The following ANO3 variants were observed in gnomAD, a reference collection of about 807,000 sequenced individuals.
The protein encoded by ANO3 is anoctamin 3.
In ANO3, 99 loss-of-function variants were observed where a neutral mutation model predicts 144.8. That is an observed-to-expected ratio of 0.68 (90% CI 0.58 to 0.81). ANO3 has a LOEUF of 0.81. ANO3 is among the 30% of genes least tolerant of loss of function. The pLI, the probability that ANO3 is intolerant of heterozygous loss-of-function variation, is 0.00. For missense variants in ANO3, 905 were observed against 1,202.2 expected (o/e 0.75, Z 3.66); for synonymous variants, 414 against 392.6 (o/e 1.05, Z -0.64).
intron 13 of ANO3, among the ~76,000 whole-genome samples, chr11:26,556,677 C>A (rs116408068): frequency 0.013 from 1,912 of 152,168 alleles, 40 homozygotes; most frequent in African/African-American, 0.04. Flanking sequence ...ATCAAGACTG[C>A]ATTTTTTATG....
chr11:26,350,130 C>A (rs1164966393), intron 1 of ANO3, among the ~76,000 whole-genome samples: 1 of 151,996 alleles, frequency 6.6e-6, no homozygotes, highest in Non-Finnish European at 1.5e-5. Context: ...CAAATGCAAC[C>A]CAAATTTTAG....
chr11:26,458,120 T>C (rs1290817906), intron 3 of ANO3, among the ~76,000 whole-genome samples: 10 of 152,124 alleles, frequency 6.6e-5, no homozygotes, highest in Non-Finnish European at 1.5e-5. Flanking sequence ...TAATTTGAAA[T>C]TTAATTGATG....
chr11:26,215,390 G>T (rs1172308276), intron 1 of ANO3, among the ~76,000 whole-genome samples: 1 of 151,732 alleles, frequency 6.6e-6, no homozygotes, highest in African/African-American at 2.4e-5. Flanking sequence ...TTCCAGCTTT[G>T]GCCACTGGGA....
intron 3 of ANO3, among the ~76,000 whole-genome samples, chr11:26,451,396 T>C (rs1858930540): frequency 6.6e-6 from 1 of 152,142 alleles, no homozygotes; most frequent in Non-Finnish European, 1.5e-5. Flanking sequence ...ACTGCGCTTT[T>C]CCGACGGGCT....
intron 1 of ANO3, among the ~76,000 whole-genome samples, chr11:26,419,502 G>C (rs1275770510): frequency 6.6e-6 from 1 of 151,910 alleles, no homozygotes; most frequent in Non-Finnish European, 1.5e-5. Flanking sequence ...AATTAGTAAA[G>C]TAATTAATTA....
chr11:26,656,593 G>T (rs1485356854), intron 26 of ANO3, 112 bp downstream of exon 26: 6 of 712,732 alleles, frequency 8.4e-6, no homozygotes, highest in Non-Finnish European at 1.2e-5. Context: ...ACTTAAGTAG[G>T]TCCCGTAAAA....
At chr11:26,483,030 A>C (rs1026645126) in intron 4 of ANO3, among the ~76,000 whole-genome samples, 6 of 152,090 alleles carry the variant, frequency 3.9e-5, no homozygotes, top group Admixed American at 3.3e-4. Flanking sequence ...TGCAATAAAC[A>C]TACTAGTGCA....
Position 26,463,134 on chromosome 11 carries a change from A to G in ANO3, c.418A>G (p.Thr140Ala). ...TATCAAAGATAAATCTGAATTCAAG[A>G]CAAAATTATCTAAGGTAATGAGAAC... ...FVIKDKSEFK[T>A]KLSKNDMNYI... is the part of the protein sequence containing the mutation. Residue 140 changes from threonine (T) to alanine (A), a missense_variant, in exon 4 of 27, where the codon ACA (threonine) becomes GCA (alanine). Around this residue, in one of 4 missense-constraint regions of ANO3, gnomAD observed 174 missense variants for 171.9 expected, o/e 1.01. Transcript: ENST00000256737. The G allele has an allele frequency of 6.4e-7, 1 of 1,561,040 alleles. No individual in the cohort carries two copies. Among genetic ancestry groups the G allele is most frequent in the Non-Finnish European group, 8.7e-7 (1 of 1,142,952 alleles).
chr11:26,514,260 A>G (rs1280703195), intron 5 of ANO3, among the ~76,000 whole-genome samples: 1 of 152,122 alleles, frequency 6.6e-6, no homozygotes, highest in Non-Finnish European at 1.5e-5. Flanking sequence ...GCCAAGGAAG[A>G]GGCTCTACCA....
chr11:26,561,019 A>G (rs761684844), intron 14 of ANO3: 64 of 1,551,290 alleles, frequency 4.1e-5, no homozygotes, highest in Non-Finnish European at 5.6e-5. Flanking sequence ...TCAAAAGGCT[A>G]GGATGTAGAT....
chr11:26,581,576 C>G (rs1219911144), intron 14 of ANO3, among the ~76,000 whole-genome samples: 5 of 150,758 alleles, frequency 3.3e-5, no homozygotes, highest in Non-Finnish European at 7.4e-5. Context: ...GTAGTCCCAG[C>G]TATGTGGGAG....
intron 1 of ANO3, among the ~76,000 whole-genome samples, chr11:26,235,066 T>A (rs1295059140): frequency 7.1e-6 from 1 of 141,388 alleles, no homozygotes; most frequent in Non-Finnish European, 1.6e-5. Context: ...TCCTATTAGA[T>A]TTTGTTCTGT....
chr11:26,298,594 G>A (rs117880680), intron 1 of ANO3, among the ~76,000 whole-genome samples: 1,695 of 152,220 alleles, frequency 0.011, 86 homozygotes, highest in East Asian at 0.076. Flanking sequence ...TTGAATGAAA[G>A]GTTTTAAACA....
chr11:26,511,426 A>C (rs1861660033), intron 5 of ANO3, among the ~76,000 whole-genome samples: 1 of 152,198 alleles, frequency 6.6e-6, no homozygotes, highest in African/African-American at 2.4e-5. Context: ...AAACAAAAAA[A>C]AATTTTTTAT....
At chr11:26,448,503 G>A (rs896940737) in intron 3 of ANO3, among the ~76,000 whole-genome samples, 1 of 152,130 alleles carries the variant, frequency 6.6e-6, no homozygotes, top group Admixed American at 6.5e-5. Flanking sequence ...GTTTAGCTCA[G>A]TGGAATACTC....
At chr11:26,294,305 G>A (rs934225136) in intron 1 of ANO3, among the ~76,000 whole-genome samples, 2 of 152,134 alleles carry the variant, frequency 1.3e-5, no homozygotes, top group Non-Finnish European at 1.5e-5. Flanking sequence ...GTGTATTTTA[G>A]TGTTTATCCA....
At chr11:26,360,184 C>T (rs1490230592) in intron 1 of ANO3, among the ~76,000 whole-genome samples, 4 of 109,302 alleles carry the variant, frequency 3.7e-5, no homozygotes, top group Non-Finnish European at 5.2e-5. Flanking sequence ...AACCCCCCCG[C>T]CCTTTTTTTT....
chr11:26,467,639 C>T (rs576010072), intron 4 of ANO3, among the ~76,000 whole-genome samples: 6 of 150,962 alleles, frequency 4.0e-5, no homozygotes, highest in Non-Finnish European at 8.9e-5. Flanking sequence ...AATAGTACTC[C>T]ATTGTGTATA....
At chr11:26,279,199 C>A (rs1036712254) in intron 1 of ANO3, among the ~76,000 whole-genome samples, 2 of 152,096 alleles carry the variant, frequency 1.3e-5, no homozygotes, top group African/African-American at 4.8e-5. Context: ...AACTAGTTCC[C>A]TTCAAGTTTT....
Sources: gnomAD v4.1 joint callset for allele counts (sites outside exome capture counted in the v4.1 genomes callset) on GRCh38, gnomAD v4.1.1 for gene constraint, gnomAD v4.1.1 regional missense constraint, MANE v1.5 for transcripts, NCBI Gene and HGNC (gene_info 2026-07-23, HGNC 2026-07-21) for gene names.